The following DRC5 variants were observed in gnomAD, a reference collection of about 807,000 sequenced individuals.
The protein encoded by DRC5 is T-complex-associated testis-expressed protein 1.
the DRC5 span, among the ~76,000 whole-genome samples, chr6:44,288,763 G>A: frequency 2.0e-4 from 31 of 152,204 alleles, no homozygotes; most frequent in Non-Finnish European, 2.6e-4. Flanking sequence ...GGAGGCCAAC[G>A]TGGGTGGGTC....
chr6:44,283,098 G>A, the DRC5 span, among the ~76,000 whole-genome samples: 3 of 151,820 alleles, frequency 2.0e-5, no homozygotes, highest in Middle Eastern at 3.3e-3. Flanking sequence ...CACCGCGCCC[G>A]GCCGCTTGGG....
chr6:44,285,155 G>A, the DRC5 span, among the ~76,000 whole-genome samples: 2 of 152,146 alleles, frequency 1.3e-5, no homozygotes, highest in Non-Finnish European at 1.5e-5. Flanking sequence ...ACTGTAACTC[G>A]TCCTCCTCCT....
At chr6:44,287,836 G>A in the DRC5 span, 2 of 1,610,836 alleles carry the variant, frequency 1.2e-6, no homozygotes, top group East Asian at 2.2e-5. Context: ...GCTGGAGGCT[G>A]GCAAGGTAGG....
the DRC5 span, chr6:44,287,626 T>C: frequency 6.2e-7 from 1 of 1,614,160 alleles, no homozygotes; most frequent in Admixed American, 1.7e-5. Context: ...CTCAGGATCC[T>C]CAGCAATGAT....
chr6:44,290,027 G>A, the DRC5 span, among the ~76,000 whole-genome samples: 6 of 152,200 alleles, frequency 3.9e-5, no homozygotes, highest in South Asian at 2.1e-4. Flanking sequence ...GTTGAGAGGC[G>A]GGTGGCAGGG....
the DRC5 span, among the ~76,000 whole-genome samples, chr6:44,289,753 G>T: frequency 2.0e-5 from 3 of 152,322 alleles, no homozygotes; most frequent in East Asian, 5.8e-4. Context: ...GATGTGTCTT[G>T]GTCCGGGGAC....
the DRC5 span, chr6:44,287,819 C>T: frequency 1.9e-6 from 3 of 1,612,628 alleles, no homozygotes; most frequent in Non-Finnish European, 2.5e-6. Context: ...GTTACGGTAT[C>T]CTGCATGCTG....
At chr6:44,280,852 TG>T in the DRC5 span, among the ~76,000 whole-genome samples, 1 of 152,236 alleles carries the variant, frequency 6.6e-6, no homozygotes, top group African/African-American at 2.4e-5. Context: ...AGCGAGGCAT[TG>T]GCCATGAGAC....
chr6:44,287,931 G>A, the DRC5 span: 1 of 1,430,798 alleles, frequency 7.0e-7, no homozygotes, highest in East Asian at 2.4e-5. Flanking sequence ...GGAGCAAAAG[G>A]AAGAGGGTAG....
the DRC5 span, among the ~76,000 whole-genome samples, chr6:44,292,387 C>G: frequency 6.6e-6 from 1 of 152,122 alleles, no homozygotes; most frequent in Admixed American, 6.5e-5. Flanking sequence ...TCCCTGATAC[C>G]CCAAAACAAC....
chr6:44,292,981 C>T, the DRC5 span, among the ~76,000 whole-genome samples: 2 of 152,194 alleles, frequency 1.3e-5, no homozygotes, highest in African/African-American at 4.8e-5. Context: ...TTTGCCAAAG[C>T]TAAGAGTTGG....
chr6:44,280,284 T>G, the DRC5 span: 1 of 1,614,198 alleles, frequency 6.2e-7, no homozygotes, highest in Non-Finnish European at 8.5e-7. Context: ...GTAGAGGGCC[T>G]GGCCAATGAG....
At chr6:44,281,608 C>T in the DRC5 span, among the ~76,000 whole-genome samples, 1 of 152,242 alleles carries the variant, frequency 6.6e-6, no homozygotes, top group Non-Finnish European at 1.5e-5. Flanking sequence ...TGGTCTCGAA[C>T]TCCTGGCCTC....
At chr6:44,287,105 A>G in the DRC5 span, 5 of 777,832 alleles carry the variant, frequency 6.4e-6, no homozygotes, top group African/African-American at 7.6e-5. Context: ...ACAGCGCCCC[A>G]TCTGGTAGGA....
chr6:44,290,470 T>G, the DRC5 span, among the ~76,000 whole-genome samples: 1 of 152,046 alleles, frequency 6.6e-6, no homozygotes. Context: ...GCTTCTTGAG[T>G]GCTGACCTGA....
the DRC5 span, chr6:44,287,746 C>G: frequency 1.2e-6 from 2 of 1,614,112 alleles, no homozygotes; most frequent in Non-Finnish European, 1.7e-6. Flanking sequence ...AGTGTGTCCT[C>G]CAGTGGAGGA....
At chr6:44,287,438 G>A in the DRC5 span, 1 of 1,166,856 alleles carries the variant, frequency 8.6e-7, no homozygotes, top group Non-Finnish European at 1.2e-6. Context: ...ATACGGGAGA[G>A]CAGGGGCTGC....
the DRC5 span, among the ~76,000 whole-genome samples, chr6:44,294,683 T>G: frequency 7.5e-6 from 1 of 133,010 alleles, no homozygotes; most frequent in Non-Finnish European, 1.5e-5. Flanking sequence ...GGGAAAAAAA[T>G]GAAGGTTGAA....
At chr6:44,293,524 T>G in the DRC5 span, among the ~76,000 whole-genome samples, 3 of 152,154 alleles carry the variant, frequency 2.0e-5, no homozygotes, top group African/African-American at 7.2e-5. Flanking sequence ...CTTATCCCCA[T>G]TTTACAGATG....
Sources: allele counts gnomAD v4.1 joint callset (sites outside exome capture counted in the v4.1 genomes callset), GRCh38; gene constraint gnomAD v4.1.1; transcripts MANE v1.5; gene names NCBI Gene and HGNC (gene_info 2026-07-23, HGNC 2026-07-21).